PGGT1B: variants seen among roughly 807,000 people sequenced by gnomAD.
PGGT1B encodes protein geranylgeranyltransferase type I subunit beta, also known as geranylgeranyl transferase type-1 subunit beta.
In PGGT1B, 30 loss-of-function variants were observed where a neutral mutation model predicts 46.1. The observed-to-expected ratio is 0.65, with a 90% CI of 0.49 to 0.88. The LOEUF is 0.88. Ranked by LOEUF, PGGT1B falls within the 40% of genes least tolerant of loss-of-function variation. The pLI, the probability that PGGT1B is intolerant of heterozygous loss-of-function variation, is 0.00. For missense variants in PGGT1B, 376 were observed against 455.9 expected, an observed-to-expected ratio of 0.82 and a Z score of 1.60; for synonymous variants, 170 against 160.0, an observed-to-expected ratio of 1.06 and a Z score of -0.47.
intron 1 of PGGT1B, among the ~76,000 whole-genome samples, chr5:115,258,654 T>C (rs191913808): frequency 7.9e-5 from 12 of 152,342 alleles, no homozygotes; most frequent in African/African-American, 2.9e-4. Flanking sequence ...AACAAAACAC[T>C]GGAACACATT....
intron 7 of PGGT1B, among the ~76,000 whole-genome samples, chr5:115,217,467 A>C (rs1756457357): frequency 6.6e-6 from 1 of 152,104 alleles, no homozygotes; most frequent in African/African-American, 2.4e-5. Context: ...GGAAAGAAAA[A>C]GGTAAGACAA....
chr5:115,222,954 A>C (rs1045755188), intron 6 of PGGT1B, among the ~76,000 whole-genome samples: 4 of 152,092 alleles, frequency 2.6e-5, no homozygotes, highest in Non-Finnish European at 5.9e-5. Context: ...AACATCACAC[A>C]CCGGGGCCTG....
Position 115,218,397 on chromosome 5 carries a change from GTATA to G in PGGT1B, c.844-1428_844-1425del, listed in dbSNP as rs10624080. 5.3e-3 allele frequency among the ~76,000 whole-genome samples: 746 copies of G among 139,586 alleles called. 6 individuals carry two copies. The highest frequency in any genetic ancestry group is 0.014 in the Admixed American group (191 of 13,504). 91.6% of individuals were successfully genotyped at this position (139,586 alleles called of 152,430 possible). A position where few individuals can be genotyped will look rare whatever the true frequency, so the allele number is the denominator to read the frequency against. ...CAATTTAAGCATTATATGTGTGTGT[GTATA>G]TATATATATATATGTCATATATAAC... On this transcript the variant is annotated intron_variant, in intron 7 of 8. Coordinates refer to ENST00000419445, the MANE Select transcript of PGGT1B (RefSeq NM_005023.4).
intron 6 of PGGT1B, among the ~76,000 whole-genome samples, chr5:115,229,423 G>T (rs1352268111): frequency 6.6e-6 from 1 of 152,126 alleles, no homozygotes; most frequent in East Asian, 1.9e-4. Context: ...ATAGAAGGAA[G>T]ATATACGCTT....
At chr5:115,221,770 A>G in intron 7 of PGGT1B, 54 bp downstream of exon 7, 5 of 1,119,616 alleles carry the variant, frequency 4.5e-6, no homozygotes, top group Non-Finnish European at 6.2e-6. Context: ...CCTTTTTAGC[A>G]CAATCTATAT....
At chr5:115,220,713 C>G (rs751379973) in intron 7 of PGGT1B, among the ~76,000 whole-genome samples, 2 of 151,832 alleles carry the variant, frequency 1.3e-5, no homozygotes, top group Non-Finnish European at 2.9e-5. Context: ...AACAGGAAAT[C>G]ACTGGATATT....
chr5:115,247,343 T>C (rs533707135), intron 2 of PGGT1B, among the ~76,000 whole-genome samples: 27 of 152,168 alleles, frequency 1.8e-4, no homozygotes, highest in Non-Finnish European at 3.4e-4. Flanking sequence ...TATATTTAGG[T>C]ATAATAAAGG....
At chr5:115,237,134 T>A (rs1757208135) in intron 4 of PGGT1B, among the ~76,000 whole-genome samples, 1 of 152,206 alleles carries the variant, frequency 6.6e-6, no homozygotes, top group Admixed American at 6.5e-5. Context: ...TTTAGTTTCA[T>A]AGGGTTTCCA....
chr5:115,257,938 G>A (rs1580783832), intron 1 of PGGT1B, among the ~76,000 whole-genome samples: 1 of 152,140 alleles, frequency 6.6e-6, no homozygotes, highest in Non-Finnish European at 1.5e-5. Flanking sequence ...ATAATACTTC[G>A]AAACAAATGA....
chr5:115,259,584 G>C (rs962192487), intron 1 of PGGT1B, among the ~76,000 whole-genome samples: 6 of 150,862 alleles, frequency 4.0e-5, no homozygotes, highest in African/African-American at 1.5e-4. Flanking sequence ...AGCTACTTGA[G>C]AGGCTGAGGC....
chr5:115,224,280 A>ATATAAAGTCTCTAATAGACAGTATTAGAG (rs1756689039), intron 6 of PGGT1B, among the ~76,000 whole-genome samples: 1 of 152,170 alleles, frequency 6.6e-6, no homozygotes, highest in Non-Finnish European at 1.5e-5. Flanking sequence ...GACAGTAAGT[A>ATATAAAGTCTCTAATAGACAGTATTAGAG]ACCTTTCAAA....
At chr5:115,222,130 T>C in intron 6 of PGGT1B, 122 bp from the exon 7 acceptor site, 1 of 512,944 alleles carries the variant, frequency 1.9e-6, no homozygotes, top group Non-Finnish European at 3.3e-6. Flanking sequence ...AAAATTTAAA[T>C]TTAAAAGATG....
At chr5:115,262,231 T>C (rs1748590228) in intron 1 of PGGT1B, among the ~76,000 whole-genome samples, 2 of 152,202 alleles carry the variant, frequency 1.3e-5, no homozygotes, top group Admixed American at 6.5e-5. Flanking sequence ...CGCCTACCAT[T>C]AGATTTATAG....
chr5:115,242,678 T>C (rs1757382226), intron 2 of PGGT1B, among the ~76,000 whole-genome samples: 1 of 152,180 alleles, frequency 6.6e-6, no homozygotes, highest in Admixed American at 6.5e-5. Flanking sequence ...AAAAAGATAC[T>C]AGCAGCCAGG....
chr5:115,222,919 G>A (rs1305352486), intron 6 of PGGT1B, among the ~76,000 whole-genome samples: 1 of 152,160 alleles, frequency 6.6e-6, no homozygotes, highest in Non-Finnish European at 1.5e-5. Flanking sequence ...ACTGAACAAT[G>A]AGAACACCTG....
chr5:115,226,531 G>A (rs1756788233), intron 6 of PGGT1B, among the ~76,000 whole-genome samples: 1 of 148,054 alleles, frequency 6.8e-6, no homozygotes, highest in Admixed American at 6.6e-5. Flanking sequence ...GAGAAGAGTA[G>A]TTGAATTAAA....
intron 1 of PGGT1B, among the ~76,000 whole-genome samples, chr5:115,255,222 C>A (rs1379823278): frequency 6.6e-6 from 1 of 152,176 alleles, no homozygotes; most frequent in African/African-American, 2.4e-5. Context: ...CAGTCTATAA[C>A]ACTACAGGCC....
chr5:115,253,726 T>C (rs1057412923), intron 1 of PGGT1B, among the ~76,000 whole-genome samples: 1 of 152,028 alleles, frequency 6.6e-6, no homozygotes, highest in African/African-American at 2.4e-5. Context: ...CATGATTCCT[T>C]GGGAAAAGAT....
In PGGT1B at chr5:115,229,853, A is replaced by G. The variant is rs572673839; in HGVS notation, c.658+1123T>C. 3.8e-4 allele frequency among the ~76,000 whole-genome samples: 58 copies of G among 152,152 alleles called. 2 individuals are homozygous for G. In the South Asian group the frequency reaches 0.012, roughly 31 times the overall value. On this transcript the variant is annotated intron_variant, in intron 6 of 8. Coordinates refer to ENST00000419445, the MANE Select transcript of PGGT1B (RefSeq NM_005023.4). ...TCATAGAGACTCAGGCACACACAAA[A>G]ACTATGGTGTCATAATTATAGTATG...
Sources: gnomAD v4.1 joint callset for allele counts (sites outside exome capture counted in the v4.1 genomes callset) on GRCh38, gnomAD v4.1.1 for gene constraint, MANE v1.5 for transcripts, NCBI Gene and HGNC (gene_info 2026-07-23, HGNC 2026-07-21) for gene names.